SEMA6D: variants seen among roughly 807,000 people sequenced by gnomAD.
The protein encoded by SEMA6D is semaphorin 6D, also known as semaphorin-6D.
Under a neutral mutation model 106.6 loss-of-function variants are expected in SEMA6D, and 35 were observed. That is an observed-to-expected ratio of 0.33 (90% CI 0.25 to 0.44). The LOEUF (loss-of-function observed/expected upper bound fraction) is 0.44, where lower values mean the gene tolerates loss of function less well. Among genes scored for constraint, SEMA6D ranks in the 20% least tolerant of loss-of-function variants. The pLI, the probability that SEMA6D is intolerant of heterozygous loss-of-function variation, is 1.00. For missense variants in SEMA6D, 1,185 were observed against 1,345.9 expected (o/e 0.88, Z 1.87); for synonymous variants, 499 against 487.7 (o/e 1.02, Z -0.31).
At chr15:47,417,683 G>A (rs2041018428) in intron 2 of SEMA6D, among the ~76,000 whole-genome samples, 1 of 152,008 alleles carries the variant, frequency 6.6e-6, no homozygotes, top group Non-Finnish European at 1.5e-5. Context: ...CATGACAACT[G>A]TTGTATCCTT....
chr15:47,397,975 C>A (rs1176001711), intron 1 of SEMA6D: 1 of 152,026 alleles, frequency 6.6e-6, no homozygotes, highest in Non-Finnish European at 1.5e-5. Context: ...TGCTTATAAA[C>A]CCTGGGTTCT....
At chr15:47,431,473 C>T (rs2041520897) in intron 2 of SEMA6D, among the ~76,000 whole-genome samples, 1 of 152,048 alleles carries the variant, frequency 6.6e-6, no homozygotes, top group African/African-American at 2.4e-5. Context: ...ATAATTTTCT[C>T]TCTGTAACTC....
At chr15:47,625,682 C>T (rs556976774) in intron 4 of SEMA6D, among the ~76,000 whole-genome samples, 4 of 151,048 alleles carry the variant, frequency 2.6e-5, no homozygotes, top group East Asian at 3.9e-4. Flanking sequence ...AGAGCCTGAC[C>T]GTGTCTCAAA....
rs762706338 is a variant in SEMA6D, at chr15:47,771,169, A to G, written c.2606A>G (p.His869Arg). Reference sequence around the variant, plus strand: ...ACAAAGTCATCCAGTAAGAGAGATCACCGGCGTTCTGTTGATTCCAGAAAT... The same window carrying G: ...ACAAAGTCATCCAGTAAGAGAGATCGCCGGCGTTCTGTTGATTCCAGAAAT... ...PLTKSSSKRDHRRSVDSRNTL... is the reference protein window; with the variant it reads ...PLTKSSSKRDRRRSVDSRNTL... Residue 869 changes from histidine to arginine, a missense_variant, in exon 19 of 19, where the codon CAC becomes CGC. Physicochemically the swap from His to Arg is conservative, Grantham distance 29 (BLOSUM62 0). Transcript: ENST00000536845. The G allele has an allele frequency of 3.2e-5, 51 of 1,613,990 alleles. 2 individuals carry two copies. In the South Asian group the frequency reaches 5.3e-4, roughly 17 times the overall value.
intron 1 of SEMA6D, among the ~76,000 whole-genome samples, chr15:47,331,342 A>G (rs2037332969): frequency 6.6e-6 from 1 of 152,214 alleles, no homozygotes; most frequent in Non-Finnish European, 1.5e-5. Flanking sequence ...AAAGATATAT[A>G]TGGAAGTAGA....
intron 1 of SEMA6D, among the ~76,000 whole-genome samples, chr15:47,221,815 A>T (rs1293044222): frequency 6.6e-6 from 1 of 152,226 alleles, no homozygotes; most frequent in East Asian, 1.9e-4. Context: ...ATTTAAATGG[A>T]TTGATAAAGA....
At chr15:47,189,239 C>A (rs1893790982) in intron 1 of SEMA6D, among the ~76,000 whole-genome samples, 1 of 152,102 alleles carries the variant, frequency 6.6e-6, no homozygotes, top group Admixed American at 6.6e-5. Flanking sequence ...CCTGGCAGAC[C>A]TGATTGACAG....
At chr15:47,199,455 C>A (rs1894573072) in intron 1 of SEMA6D, among the ~76,000 whole-genome samples, 1 of 151,978 alleles carries the variant, frequency 6.6e-6, no homozygotes, top group African/African-American at 2.4e-5. Flanking sequence ...GTGTGTCTCC[C>A]CTACAAAAGC....
chr15:47,184,660 C>A (rs1429880510), intron 1 of SEMA6D, among the ~76,000 whole-genome samples: 1 of 152,140 alleles, frequency 6.6e-6, no homozygotes. Context: ...ACTGATAAGA[C>A]CCGTCTTTTG....
intron 1 of SEMA6D, among the ~76,000 whole-genome samples, chr15:47,277,492 A>G (rs1468136597): frequency 2.0e-5 from 3 of 151,976 alleles, no homozygotes; most frequent in East Asian, 1.9e-4. Flanking sequence ...AGGGAAGACC[A>G]TCTGCCAGCA....
chr15:47,285,664 A>T (rs1449238857), intron 1 of SEMA6D, among the ~76,000 whole-genome samples: 1 of 152,184 alleles, frequency 6.6e-6, no homozygotes. Flanking sequence ...GTAGACAACG[A>T]GAAGAACTGC....
chr15:47,535,801 C>T (rs1797234), intron 3 of SEMA6D, among the ~76,000 whole-genome samples: 62,143 of 151,854 alleles, frequency 0.41, 13,384 homozygotes, highest in African/African-American at 0.54. Flanking sequence ...GAGGGAAAGC[C>T]TCATGTCATG....
chr15:47,427,631 C>G (rs976309958), intron 2 of SEMA6D, among the ~76,000 whole-genome samples: 3 of 152,042 alleles, frequency 2.0e-5, no homozygotes, highest in African/African-American at 4.8e-5. Flanking sequence ...AATATGTGAC[C>G]TTGGGGATAC....
At chr15:47,265,536 G>T (rs1309541399) in intron 1 of SEMA6D, among the ~76,000 whole-genome samples, 1 of 151,190 alleles carries the variant, frequency 6.6e-6, no homozygotes, top group Non-Finnish European at 1.5e-5. Context: ...TAGTTCTTTG[G>T]ACATACTTAC....
At chr15:47,714,047 T>C (rs2079067035), upstream of SEMA6D, among the ~76,000 whole-genome samples, 1 of 152,230 alleles carries the variant, frequency 6.6e-6, no homozygotes, top group Non-Finnish European at 1.5e-5. Flanking sequence ...TAAAATCAAT[T>C]TGAATATTAT....
intron 4 of SEMA6D, among the ~76,000 whole-genome samples, chr15:47,633,758 C>G (rs992543179): frequency 1.3e-5 from 2 of 152,144 alleles, no homozygotes; most frequent in Non-Finnish European, 2.9e-5. Flanking sequence ...TCTGAAGATA[C>G]AAACGATAAC....
At chr15:47,391,698 T>C (rs1300943686) in intron 1 of SEMA6D, among the ~76,000 whole-genome samples, 1 of 151,760 alleles carries the variant, frequency 6.6e-6, no homozygotes, top group Non-Finnish European at 1.5e-5. Flanking sequence ...AACTAGCTAT[T>C]GTATGATTTC....
At chr15:47,467,589 A>G (rs1170459735) in intron 2 of SEMA6D, among the ~76,000 whole-genome samples, 2 of 152,152 alleles carry the variant, frequency 1.3e-5, no homozygotes, top group East Asian at 1.9e-4. Flanking sequence ...ATGGAAAAAA[A>G]GCTGTTGAAT....
chr15:47,520,417 G>A (rs921894880), intron 3 of SEMA6D, among the ~76,000 whole-genome samples: 9 of 152,016 alleles, frequency 5.9e-5, no homozygotes, highest in Non-Finnish European at 1.0e-4. Flanking sequence ...TCACCACATC[G>A]CAATTTCTCA....
Sources: allele counts gnomAD v4.1 joint callset (sites outside exome capture counted in the v4.1 genomes callset), GRCh38; gene constraint gnomAD v4.1.1; transcripts MANE v1.5; gene names NCBI Gene and HGNC (gene_info 2026-07-23, HGNC 2026-07-21).